SMAD9: variants seen among roughly 807,000 people sequenced by gnomAD.
SMAD9 encodes MAD homolog 9.
SMAD9 carries 36 observed loss-of-function variants against 46.1 expected under a neutral mutation model. The ratio of observed to expected loss-of-function variants is 0.78; its 90% confidence interval spans 0.60 to 1.03. The LOEUF is 1.03. Among genes scored for constraint, SMAD9 ranks in the 50% least tolerant of loss-of-function variants. SMAD9 has a pLI of 0.00. For missense variants in SMAD9, 572 were observed against 599.8 expected (o/e 0.95, Z 0.48); for synonymous variants, 245 against 237.1 (o/e 1.03, Z -0.31).
chr13:36,878,350 T>G (rs1289168954), intron 2 of SMAD9, among the ~76,000 whole-genome samples: 1 of 152,156 alleles, frequency 6.6e-6, no homozygotes, highest in Non-Finnish European at 1.5e-5. Flanking sequence ...TTCATATACA[T>G]TCAATACCAT....
chr13:36,869,504 G>C (rs1326411753), intron 3 of SMAD9, among the ~76,000 whole-genome samples: 1 of 152,074 alleles, frequency 6.6e-6, no homozygotes, highest in Non-Finnish European at 1.5e-5. Flanking sequence ...TTACAGGCGG[G>C]AGCCACTGCA....
intron 2 of SMAD9, among the ~76,000 whole-genome samples, chr13:36,878,197 G>C (rs1455383400): frequency 6.6e-6 from 1 of 151,942 alleles, no homozygotes; most frequent in Non-Finnish European, 1.5e-5. Context: ...CACACACAGG[G>C]GTGTGAAGGG....
intron 5 of SMAD9, among the ~76,000 whole-genome samples, chr13:36,854,574 C>T (rs1355382402): frequency 6.6e-6 from 1 of 152,050 alleles, no homozygotes; most frequent in Non-Finnish European, 1.5e-5. Flanking sequence ...ACCATGTTGG[C>T]CAGGCCAGGC....
In SMAD9 at chr13:36,879,516, A is replaced by G. The variant is rs768464141; in HGVS notation, c.174T>C (p.Ala58=). The change falls in exon 2 of 7, where the codon GCT becomes GCC. Residue 58 remains alanine, a synonymous_variant. Coordinates refer to ENST00000379826, the MANE Select transcript of SMAD9 (RefSeq NM_001127217.3). ...TGCTGGGCTGCCCCGGGCAGCTGAGAGCCCTCTCCAGCTCGTCCATGGCTC... is the reference window on the plus strand; with the variant it reads ...TGCTGGGCTGCCCCGGGCAGCTGAGGGCCCTCTCCAGCTCGTCCATGGCTC... ...KKGAMDELER[A]LSCPGQPSKC... The G allele has an allele frequency of 1.9e-6, 3 of 1,614,000 alleles. No homozygotes were observed. The highest frequency in any genetic ancestry group is 2.5e-6 in the Non-Finnish European group (3 of 1,180,030).
intron 1 of SMAD9, among the ~76,000 whole-genome samples, chr13:36,915,222 G>A (rs2058689683): frequency 6.6e-6 from 1 of 152,132 alleles, no homozygotes; most frequent in South Asian, 2.1e-4. Context: ...TCACCAACAC[G>A]TTTGAATGGC....
At chr13:36,850,671 G>A (rs9576123) in intron 6 of SMAD9, among the ~76,000 whole-genome samples, 21,139 of 152,128 alleles carry the variant, frequency 0.14, 2,051 homozygotes, top group East Asian at 0.31. Context: ...GAGCCACCAC[G>A]CCCGGCTCTT....
At chr13:36,899,701 G>C (rs1322486290) in intron 1 of SMAD9, among the ~76,000 whole-genome samples, 2 of 152,206 alleles carry the variant, frequency 1.3e-5, no homozygotes, top group African/African-American at 2.4e-5. Flanking sequence ...GGAGCTCAAA[G>C]AAGAGGCTGA....
chr13:36,852,531 G>A (rs1387561698), intron 6 of SMAD9: 124 of 984,194 alleles, frequency 1.3e-4, no homozygotes, highest in Non-Finnish European at 1.4e-4. Context: ...AATAAGATTC[G>A]ATATGAGAAA....
intron 3 of SMAD9, among the ~76,000 whole-genome samples, chr13:36,872,087 T>C (rs1593577933): frequency 6.6e-6 from 1 of 152,174 alleles, no homozygotes; most frequent in Non-Finnish European, 1.5e-5. Context: ...AGAGGCTCCC[T>C]TTCCCTTCCA....
At chr13:36,860,606 C>G (rs1192058336) in intron 5 of SMAD9, among the ~76,000 whole-genome samples, 1 of 151,782 alleles carries the variant, frequency 6.6e-6, no homozygotes, top group Non-Finnish European at 1.5e-5. Context: ...CCTGCCACCA[C>G]GCCCGGCTAA....
At chr13:36,879,156 CCTCTCTTCT>C (rs2138490901) in intron 2 of SMAD9, 113 bp downstream of exon 2, 4 of 870,056 alleles carry the variant, frequency 4.6e-6, no homozygotes, top group Admixed American at 2.2e-5. Flanking sequence ...ACCTCCCTCT[CCTCTCTTCT>C]CTCTCTCTCT....
chr13:36,852,115 A>G (rs987009122), intron 6 of SMAD9: 1 of 974,582 alleles, frequency 1.0e-6, no homozygotes, highest in Admixed American at 6.2e-5. Context: ...CTGCTTTGTC[A>G]CCATGAAAGA....
rs575372636 is a variant in SMAD9, at chr13:36,864,628, A to G, written c.1003+909T>C. On this transcript the variant is annotated intron_variant, in intron 5 of 6. Coordinates refer to ENST00000379826, the MANE Select transcript of SMAD9 (RefSeq NM_001127217.3). ...AAATAAACATAAAGTAACTGTCTCC[A>G]TTAAGAGTCAACATCAATGAATGAT... Among the ~76,000 whole-genome samples, 3 of 152,372 alleles carry G rather than the reference A, an allele frequency of 2.0e-5. No homozygotes were observed. The South Asian group carries it at 6.2e-4, about 32-fold the overall frequency.
chr13:36,871,538 A>AAT (rs1555240111), intron 3 of SMAD9, among the ~76,000 whole-genome samples: 219 of 152,238 alleles, frequency 1.4e-3, no homozygotes, highest in African/African-American at 5.0e-3. Flanking sequence ...ATAAAAAATA[A>AAT]AAATAAATAA....
intron 1 of SMAD9, among the ~76,000 whole-genome samples, chr13:36,887,214 CTTTTTTTTTTTTT>C (rs34299786): frequency 7.6e-5 from 5 of 65,564 alleles, no homozygotes; most frequent in Admixed American, 1.9e-4. Context: ...CTGACTAGAT[CTTTTTTTTTTTTT>C]TTTTTTTTTT....
At chr13:36,857,842 C>T (rs1421778961) in intron 5 of SMAD9, among the ~76,000 whole-genome samples, 6 of 152,314 alleles carry the variant, frequency 3.9e-5, no homozygotes, top group South Asian at 2.1e-4. Context: ...AAAACCTAAA[C>T]GTCCCAACAC....
chr13:36,898,410 T>G (rs187897020), intron 1 of SMAD9, among the ~76,000 whole-genome samples: 1 of 152,184 alleles, frequency 6.6e-6, no homozygotes, highest in African/African-American at 2.4e-5. Context: ...CCAAATAATT[T>G]TATGAAGCTA....
chr13:36,915,370 A>C (rs1317405910), intron 1 of SMAD9, among the ~76,000 whole-genome samples: 1 of 152,222 alleles, frequency 6.6e-6, no homozygotes, highest in African/African-American at 2.4e-5. Context: ...CTGCAGCACC[A>C]AACTCTCCTC....
chr13:36,888,371 C>T (rs182542030), intron 1 of SMAD9, among the ~76,000 whole-genome samples: 252 of 152,270 alleles, frequency 1.7e-3, no homozygotes, highest in Admixed American at 2.9e-3. Context: ...GCTTCCCCTT[C>T]ACCTTCTGCG....
Sources: allele counts gnomAD v4.1 joint callset (sites outside exome capture counted in the v4.1 genomes callset), GRCh38; gene constraint gnomAD v4.1.1; transcripts MANE v1.5; gene names NCBI Gene and HGNC (gene_info 2026-07-23, HGNC 2026-07-21).